The following DNAH8 variants were observed in gnomAD, a reference collection of about 807,000 sequenced individuals.
DNAH8 encodes the protein axonemal beta dynein heavy chain 8.
A neutral mutation model predicts 562.1 loss-of-function variants in DNAH8; 382 were observed. That is an observed-to-expected ratio of 0.68 (90% CI 0.63 to 0.74). DNAH8 has a LOEUF of 0.74. Ranked by LOEUF, DNAH8 falls within the 30% of genes least tolerant of loss-of-function variation. The pLI, the probability that DNAH8 is intolerant of heterozygous loss-of-function variation, is 0.00. For missense variants in DNAH8, 5,203 were observed against 5,620.4 expected, an observed-to-expected ratio of 0.93 and a Z score of 2.37; for synonymous variants, 1,881 against 1,919.4, an observed-to-expected ratio of 0.98 and a Z score of 0.52.
intron 12 of DNAH8, among the ~76,000 whole-genome samples, chr6:38,771,391 T>C (rs13219077): frequency 0.25 from 36,848 of 146,242 alleles, 4,845 homozygotes; most frequent in African/African-American, 0.33. Context: ...AACAGCTTTA[T>C]TGAGACATAA....
At position 38,789,792 on chromosome 6, in the gene DNAH8, A is replaced by G. The variant is rs747846580; in HGVS notation, c.2584-11A>G. On this transcript the variant is annotated splice_polypyrimidine_tract_variant and intron_variant, in intron 18 of 92. Coordinates refer to ENST00000327475, the MANE Select transcript of DNAH8 (RefSeq NM_001206927.2). Reference sequence around the variant, plus strand: ...AATTAAAATAAAACATGCCATTTCAACTTCCTACAGGGTCTTCTGCAATAT... The same window carrying G: ...AATTAAAATAAAACATGCCATTTCAGCTTCCTACAGGGTCTTCTGCAATAT... 1 of 1,587,136 alleles carries G rather than the reference A, an allele frequency of 6.3e-7. No homozygotes were observed. The highest frequency in any genetic ancestry group is 2.3e-5 in the East Asian group (1 of 44,438).
chr6:39,013,629 G>A (rs75096477), intron 91 of DNAH8, among the ~76,000 whole-genome samples: 16,605 of 152,156 alleles, frequency 0.11, 1,097 homozygotes, highest in Admixed American at 0.2. Context: ...AGGTGGGCAA[G>A]TTGCTTGAGC....
rs752832768 is a variant in DNAH8 at position 38,873,290 on chromosome 6, G to T, written c.7534G>T (p.Glu2512Ter). Reference sequence around the variant, plus strand: ...AGCTGCTGTATTCCTGACACTGTATGAGAAAGTCTTTGAAGATACATACAC... The same window carrying T: ...AGCTGCTGTATTCCTGACACTGTATTAGAAAGTCTTTGAAGATACATACAC... The part of the protein sequence containing the change: ...QEAAVFLTLY[E>*]KVFEDTYTYM... Residue 2512 changes from glutamate to a stop codon, truncating the protein, a stop_gained, in exon 52 of 93, where the codon GAG (glutamate) becomes TAG (stop). Coordinates refer to ENST00000327475, the MANE Select transcript of DNAH8 (RefSeq NM_001206927.2). LOFTEE classifies it high-confidence loss of function. 6.2e-7 allele frequency: 1 copy of T among 1,613,716 alleles called. No individual in the cohort carries two copies. The highest frequency in any genetic ancestry group is 8.5e-7 in the Non-Finnish European group (1 of 1,179,920).
intron 62 of DNAH8, among the ~76,000 whole-genome samples, chr6:38,903,612 CTTT>C (rs756414599): frequency 2.3e-5 from 3 of 129,442 alleles, no homozygotes; most frequent in Admixed American, 8.4e-5. Context: ...TTCTTTCTTC[CTTT>C]TTTTTTTTTT....
chr6:38,815,657 A>G lies in DNAH8; in HGVS notation c.3523A>G (p.Arg1175Gly), dbSNP rs946418532. Residue 1175 changes from arginine to glycine, a missense_variant and splice_region_variant, in exon 26 of 93, where the codon AGA (arginine) becomes GGA (glycine). By Grantham distance (125) the Arg-to-Gly change is moderately radical. This residue lies in a region of DNAH8 where 2,176 missense variants were observed against 2,365.1 expected (regional missense o/e 0.92). Coordinates refer to ENST00000327475, the MANE Select transcript of DNAH8 (RefSeq NM_001206927.2). ...AGGAAAACTGCTGAAGAAGGAAGAAAGTAAGAATGTAAAATTAGTCAATGA... is the reference window on the plus strand; with the variant it reads ...AGGAAAACTGCTGAAGAAGGAAGAAGGTAAGAATGTAAAATTAGTCAATGA... ...NTGKLLKKEE[R>G]SFEEAIPARK... is the part of the protein sequence containing the mutation. The G allele has an allele frequency of 1.2e-6, 2 of 1,609,278 alleles. No individual in the cohort carries two copies. The highest frequency in any genetic ancestry group is 1.3e-5 in the African/African-American group (1 of 74,732).
chr6:38,770,697 G>T, intron 12 of DNAH8, 138 bp downstream of exon 12: 1 of 762,940 alleles, frequency 1.3e-6, no homozygotes, highest in Non-Finnish European at 1.9e-6. Flanking sequence ...ATTACTTATA[G>T]GTCACTGCAT....
Position 38,853,051 on chromosome 6 carries a change from T to C in DNAH8, c.5572-135T>C, listed in dbSNP as rs550311193. On this transcript the variant is annotated intron_variant, in intron 40 of 92. Transcript: ENST00000327475. The stretch of plus-strand genomic sequence containing the variant: ...CTATAGTATTAGGTGATTTTACCCA[T>C]ATTTAAAATATTTTGTATAAAATAT... The C allele has an allele frequency of 2.7e-5, 19 of 716,326 alleles. No individual in the cohort carries two copies. In the East Asian group the frequency reaches 4.7e-4, roughly 18 times the overall value. 44.4% of individuals were successfully genotyped at this position (716,326 alleles called of 1,614,324 possible).
rs372017066 is a variant in DNAH8, at chr6:39,030,172, T to C, written c.13904T>C (p.Met4635Thr). The change falls in exon 93 of 93, where the codon ATG (methionine) becomes ACG (threonine). Residue 4635 changes from methionine (M) to threonine (T), a missense_variant. By Grantham distance (81) the Met-to-Thr change is moderately conservative (BLOSUM62 -1). Around this residue, in one of 6 missense-constraint regions of DNAH8, gnomAD observed 1,399 missense variants for 1,518.4 expected, o/e 0.92. Transcript: ENST00000327475. Reference sequence around the variant, plus strand: ...TGGGACAGACGGAATGGGAAGCTCATGGAATCCACCCCCAAGGTACTCTTC... The same window carrying C: ...TGGGACAGACGGAATGGGAAGCTCACGGAATCCACCCCCAAGGTACTCTTC... ...AAWDRRNGKL[M>T]ESTPKVLFTQ... The C allele has an allele frequency of 1.8e-5, 29 of 1,614,002 alleles. No homozygotes were observed. In the African/African-American group the frequency reaches 3.1e-4, roughly 17 times the overall value.
chr6:38,741,302 A>G (rs1025185125), intron 7 of DNAH8, among the ~76,000 whole-genome samples: 1 of 152,022 alleles, frequency 6.6e-6, no homozygotes, highest in Non-Finnish European at 1.5e-5. Context: ...ACTCAGTAGG[A>G]TGAGGCGGGA....
chr6:38,988,285 C>T (rs997735876), intron 87 of DNAH8, among the ~76,000 whole-genome samples: 5 of 152,176 alleles, frequency 3.3e-5, no homozygotes, highest in South Asian at 2.1e-4. Flanking sequence ...TTTGACTTTG[C>T]CCCCAAATAG....
In DNAH8 at chr6:38,875,757, G is replaced by C. The variant is rs775113791; in HGVS notation, c.7787G>C (p.Ser2596Thr). ...KLEAFLRQHE[S>T]KLDLPEIPKG... ...GAAGCCTTCTTACGGCAGCATGAAAGCAAGTTGGACTTACCAGAAATACCT... is the reference window on the plus strand; with the variant it reads ...GAAGCCTTCTTACGGCAGCATGAAACCAAGTTGGACTTACCAGAAATACCT... The change falls in exon 53 of 93, where the codon AGC becomes ACC. Residue 2596 changes from serine (S) to threonine (T), a missense_variant. This residue lies in a region of DNAH8 where 977 missense variants were observed against 1,061.8 expected (regional missense o/e 0.92). Coordinates refer to ENST00000327475, the MANE Select transcript of DNAH8 (RefSeq NM_001206927.2). 6.2e-7 allele frequency: 1 copy of C among 1,613,970 alleles called. No individual in the cohort carries two copies. Among genetic ancestry groups the C allele is most frequent in the Non-Finnish European group, 8.5e-7 (1 of 1,179,942 alleles).
chr6:38,898,297 TA>T lies in DNAH8; in HGVS notation c.8981del (p.Tyr2994SerfsTer23). 6.3e-7 allele frequency: 1 copy of T among 1,591,394 alleles called. No individual in the cohort carries two copies. The highest frequency in any genetic ancestry group is 8.5e-7 in the Non-Finnish European group (1 of 1,173,038). On this transcript the variant is annotated frameshift_variant, in exon 61 of 93. Transcript: ENST00000327475. LOFTEE classifies it high-confidence loss of function. ...CTTTCTGGCTGAAAAACTCCAGTTT[TA>T]CCAGAGACAGTTCAATGAAATCATT... Reference protein sequence around the residue: ...FDFLAEKLQFYQRQFNEIIRG... With the variant: ...FDFLAEKLQFXQRQFNEIIRG...
At chr6:38,746,283 G>C (rs191604566) in intron 8 of DNAH8, among the ~76,000 whole-genome samples, 1 of 151,846 alleles carries the variant, frequency 6.6e-6, no homozygotes, top group African/African-American at 2.4e-5. Context: ...TTTCCTCTTT[G>C]GCCATCGGGA....
Position 38,756,141 on chromosome 6 carries a change from C to T in DNAH8, c.1515+62C>T, listed in dbSNP as rs551418262. On this transcript the variant is annotated intron_variant, in intron 10 of 92. Coordinates refer to ENST00000327475, the MANE Select transcript of DNAH8 (RefSeq NM_001206927.2). ...TGAAAAAGTTAGCAAATCTTTCCTT[C>T]TGAGCCCTAGGAAGGGAATTTGGAA... is the stretch of plus-strand genomic sequence containing the variant. The T allele has an allele frequency of 9.7e-5, 102 of 1,049,092 alleles. No homozygotes were observed. In the East Asian group the frequency reaches 2.4e-3, roughly 25 times the overall value. The allele number at this position is 1,049,092 out of a possible 1,614,324, so 65.0% of individuals were successfully genotyped here.
At chr6:38,768,597 T>A (rs1372421406) in intron 11 of DNAH8, among the ~76,000 whole-genome samples, 1 of 152,146 alleles carries the variant, frequency 6.6e-6, no homozygotes, top group Non-Finnish European at 1.5e-5. Context: ...TTGACTATAC[T>A]TTCTGTTTCT....
Position 38,929,575 on chromosome 6 carries a change from CCCT to C in DNAH8, c.11184_11186del (p.Leu3730del). The C allele has an allele frequency of 1.2e-6, 2 of 1,612,350 alleles. No homozygotes were observed. Among genetic ancestry groups the C allele is most frequent in the Non-Finnish European group, 1.7e-6 (2 of 1,179,294 alleles). The stretch of plus-strand genomic sequence containing the variant: ...GAGGACAGCCTTTCCTTGGGCCGAC[CCCT>C]TCTCATTGAGGACATTCATGAAGAG... On this transcript the variant is annotated inframe_deletion, in exon 75 of 93. Coordinates refer to ENST00000327475, the MANE Select transcript of DNAH8 (RefSeq NM_001206927.2).
intron 15 of DNAH8, 117 bp from the exon 16 acceptor site, chr6:38,781,137 C>T (rs1278891252): frequency 9.5e-6 from 10 of 1,050,110 alleles, no homozygotes; most frequent in African/African-American, 1.6e-5. Flanking sequence ...TATTTATTGA[C>T]TACCTACTGT....
intron 41 of DNAH8, among the ~76,000 whole-genome samples, chr6:38,854,050 GTATA>G (rs1051351400): frequency 6.6e-6 from 1 of 151,470 alleles, no homozygotes; most frequent in Non-Finnish European, 1.5e-5. Flanking sequence ...ATATATATAT[GTATA>G]TATATACACC....
At chr6:38,903,769 G>A (rs532773027) in intron 62 of DNAH8, among the ~76,000 whole-genome samples, 4 of 151,784 alleles carry the variant, frequency 2.6e-5, no homozygotes, top group Non-Finnish European at 4.4e-5. Context: ...GCACCACCAC[G>A]CCTGGCTCAT....
Sources: gnomAD v4.1 joint callset for allele counts (sites outside exome capture counted in the v4.1 genomes callset) on GRCh38, gnomAD v4.1.1 for gene constraint, gnomAD v4.1.1 regional missense constraint, MANE v1.5 for transcripts, NCBI Gene and HGNC (gene_info 2026-07-23, HGNC 2026-07-21) for gene names.